Variants in GRID2 observed in about 807,000 individuals in gnomAD.
GRID2 encodes glutamate ionotropic receptor delta type subunit 2.
In GRID2, 33 loss-of-function variants were observed where a neutral mutation model predicts 114.8. That is an observed-to-expected ratio of 0.29 (90% CI 0.22 to 0.38). GRID2 has a LOEUF of 0.38. GRID2 is among the 10% of genes least tolerant of loss of function. The probability of loss-of-function intolerance (pLI) is 1.00; values close to 1 mark genes in which losing one functional copy is unlikely to be tolerated. For synonymous variants in GRID2, 505 were observed against 449.9 expected (o/e 1.12, Z -1.55); for missense variants, 1,184 against 1,257.7 (o/e 0.94, Z 0.89).
chr4:93,024,621 T>A (rs1163187868), intron 2 of GRID2, among the ~76,000 whole-genome samples: 2 of 151,798 alleles, frequency 1.3e-5, no homozygotes, highest in African/African-American at 4.8e-5. Context: ...GTTACATTAG[T>A]TCTACAGTTT....
chr4:93,354,023 GCACACA>G (rs72026131), intron 8 of GRID2, among the ~76,000 whole-genome samples: 1 of 100,236 alleles, frequency 1.0e-5, no homozygotes, highest in Non-Finnish European at 1.9e-5. Flanking sequence ...GCACACACAT[GCACACA>G]CACACACACA....
chr4:93,672,036 A>G (rs1724468667), intron 14 of GRID2, among the ~76,000 whole-genome samples: 1 of 152,158 alleles, frequency 6.6e-6, no homozygotes, highest in African/African-American at 2.4e-5. Flanking sequence ...AACACAAGCA[A>G]TGAAGGTATC....
At chr4:92,484,651 T>G (rs1722779047) in intron 1 of GRID2, among the ~76,000 whole-genome samples, 1 of 152,068 alleles carries the variant, frequency 6.6e-6, no homozygotes, top group African/African-American at 2.4e-5. Flanking sequence ...ATTGAAGCAG[T>G]ACATCAGAAT....
intron 11 of GRID2, among the ~76,000 whole-genome samples, chr4:93,475,547 G>A (rs891062830): frequency 1.3e-5 from 2 of 151,974 alleles, no homozygotes; most frequent in African/African-American, 2.4e-5. Context: ...CTTACTTTTG[G>A]CTCTTTTATC....
At chr4:92,886,634 T>G (rs1746384869) in intron 2 of GRID2, among the ~76,000 whole-genome samples, 1 of 152,188 alleles carries the variant, frequency 6.6e-6, no homozygotes, top group Non-Finnish European at 1.5e-5. Context: ...TTTATTTGTA[T>G]TTATTTTTTG....
chr4:93,014,436 G>C (rs1024548006), intron 2 of GRID2, among the ~76,000 whole-genome samples: 1 of 152,036 alleles, frequency 6.6e-6, no homozygotes. Context: ...GTAGTTTGCT[G>C]GGGCTGGAAC....
intron 14 of GRID2, among the ~76,000 whole-genome samples, chr4:93,726,567 A>T (rs1248563984): frequency 1.3e-5 from 2 of 152,172 alleles, no homozygotes; most frequent in Non-Finnish European, 1.5e-5. Context: ...TCTATAAATT[A>T]CCTTGGGCAG....
At chr4:92,903,703 A>G (rs1747748856) in intron 2 of GRID2, among the ~76,000 whole-genome samples, 1 of 152,012 alleles carries the variant, frequency 6.6e-6, no homozygotes, top group Non-Finnish European at 1.5e-5. Context: ...TAAAAGGCAC[A>G]GTATTTTTGT....
chr4:93,088,365 C>T (rs1730503981), intron 3 of GRID2, among the ~76,000 whole-genome samples: 1 of 152,120 alleles, frequency 6.6e-6, no homozygotes, highest in African/African-American at 2.4e-5. Flanking sequence ...CTCACTTGCT[C>T]AGTGCAATGC....
At chr4:92,882,421 G>C (rs1746096507) in intron 2 of GRID2, among the ~76,000 whole-genome samples, 1 of 152,084 alleles carries the variant, frequency 6.6e-6, no homozygotes, top group South Asian at 2.1e-4. Context: ...AATAATGTAA[G>C]ACTGTAAATA....
chr4:92,639,865 C>T (rs1731259597), intron 2 of GRID2, among the ~76,000 whole-genome samples: 1 of 151,856 alleles, frequency 6.6e-6, no homozygotes, highest in East Asian at 1.9e-4. Flanking sequence ...GGAACAGTAT[C>T]TGATAACAGT....
intron 2 of GRID2, among the ~76,000 whole-genome samples, chr4:92,887,438 T>C (rs1220392434): frequency 3.3e-5 from 5 of 152,186 alleles, no homozygotes; most frequent in Non-Finnish European, 7.3e-5. Flanking sequence ...AAGTTCCTTT[T>C]AAGGTTCTGG....
intron 2 of GRID2, among the ~76,000 whole-genome samples, chr4:92,931,495 A>C (rs1276492298): frequency 6.6e-6 from 1 of 150,980 alleles, no homozygotes; most frequent in Non-Finnish European, 1.5e-5. Flanking sequence ...AGCAGAAAAA[A>C]AATAAATATG....
At chr4:92,545,701 ATGG>A (rs1361759585) in intron 1 of GRID2, among the ~76,000 whole-genome samples, 4 of 152,186 alleles carry the variant, frequency 2.6e-5, no homozygotes, top group African/African-American at 9.6e-5. Context: ...TATTCTCAAT[ATGG>A]TGCTTTATTT....
intron 1 of GRID2, among the ~76,000 whole-genome samples, chr4:93,792,165 C>A (rs1017063439): frequency 2.0e-5 from 3 of 152,096 alleles, no homozygotes; most frequent in Non-Finnish European, 4.4e-5. Flanking sequence ...TCTTATGACA[C>A]CTCCAAGCCC....
At chr4:92,744,162 A>G (rs571168021) in intron 2 of GRID2, among the ~76,000 whole-genome samples, 11 of 152,278 alleles carry the variant, frequency 7.2e-5, no homozygotes, top group Non-Finnish European at 1.3e-4. Context: ...CAGAACAAGG[A>G]GAAAAGAAAA....
At chr4:92,534,960 C>G (rs1421804846) in intron 1 of GRID2, among the ~76,000 whole-genome samples, 2 of 152,040 alleles carry the variant, frequency 1.3e-5, no homozygotes, top group African/African-American at 4.8e-5. Context: ...ATACAGGTTA[C>G]ATGTTTAGGA....
At chr4:92,718,638 C>G (rs1490869637) in intron 2 of GRID2, among the ~76,000 whole-genome samples, 2 of 151,214 alleles carry the variant, frequency 1.3e-5, no homozygotes, top group East Asian at 2.0e-4. Flanking sequence ...TGTTGCATGC[C>G]TGTAGCCATA....
At chr4:92,378,870 T>C (rs1729480851) in intron 1 of GRID2, among the ~76,000 whole-genome samples, 1 of 152,076 alleles carries the variant, frequency 6.6e-6, no homozygotes, top group Admixed American at 6.6e-5. Flanking sequence ...AATTATAAAA[T>C]ATATTTTTAT....
Sources: allele counts gnomAD v4.1 joint callset (sites outside exome capture counted in the v4.1 genomes callset), GRCh38; gene constraint gnomAD v4.1.1; transcripts MANE v1.5; gene names NCBI Gene and HGNC (gene_info 2026-07-23, HGNC 2026-07-21).